Variants in QRFPR observed in about 807,000 individuals in gnomAD.
The protein encoded by QRFPR is pyroglutamylated RF-amide peptide receptor.
In QRFPR, 37 loss-of-function variants were observed where a neutral mutation model predicts 31.3. The observed-to-expected ratio is 1.18, with a 90% CI of 0.91 to 1.56. The LOEUF is 1.56. Ranked by LOEUF, QRFPR falls within the 40% of genes most tolerant of loss-of-function variation. The probability of loss-of-function intolerance (pLI) is 0.00; values close to 1 mark genes in which losing one functional copy is unlikely to be tolerated. For missense variants in QRFPR, 542 were observed against 532.5 expected, an observed-to-expected ratio of 1.02 and a Z score of -0.18; for synonymous variants, 197 against 192.0, an observed-to-expected ratio of 1.03 and a Z score of -0.22.
In QRFPR at chr4:121,330,428, T is replaced by C; in HGVS notation, c.893A>G (p.Tyr298Cys). Reference sequence around the variant, plus strand: ...AAATGAGAATGACAAGCACTCACTGTATTCAATCATCATATGGACAACATG... The same window carrying C: ...AAATGAGAATGACAAGCACTCACTGCATTCAATCATCATATGGACAACATG... ...PFHVVHMMIE[Y>C]SNFEKEYDDV... Residue 298 changes from tyrosine to cysteine, a missense_variant and splice_region_variant, in exon 5 of 6, where the codon TAC becomes TGC. By Grantham distance (194) the Tyr-to-Cys change is radical (BLOSUM62 -2). Coordinates refer to ENST00000394427, the MANE Select transcript of QRFPR (RefSeq NM_198179.3). The C allele has an allele frequency of 6.3e-7, 1 of 1,596,960 alleles. No homozygotes were observed.
intron 1 of QRFPR, among the ~76,000 whole-genome samples, chr4:121,353,403 A>C (rs915250409): frequency 2.6e-5 from 4 of 152,064 alleles, no homozygotes; most frequent in Non-Finnish European, 4.4e-5. Flanking sequence ...TTTGGATGAA[A>C]GCCATCTTAA....
chr4:121,343,824 A>T (rs1402450774), intron 1 of QRFPR, among the ~76,000 whole-genome samples: 2 of 152,216 alleles, frequency 1.3e-5, no homozygotes, highest in Non-Finnish European at 2.9e-5. Context: ...ATCTCATTAT[A>T]GTGTTATCCA....
At chr4:121,337,092 CT>C (rs1725450345) in intron 2 of QRFPR, among the ~76,000 whole-genome samples, 1 of 152,252 alleles carries the variant, frequency 6.6e-6, no homozygotes, top group Admixed American at 6.5e-5. Context: ...TAGTGTTTCA[CT>C]GCCTACAAGA....
chr4:121,367,211 G>A (rs944739546), intron 1 of QRFPR, among the ~76,000 whole-genome samples: 1 of 149,824 alleles, frequency 6.7e-6, no homozygotes, highest in African/African-American at 2.5e-5. Flanking sequence ...CAGTGGGACC[G>A]CTTCCTAGGA....
intron 1 of QRFPR, among the ~76,000 whole-genome samples, chr4:121,377,891 G>C (rs1187328164): frequency 6.6e-6 from 1 of 152,026 alleles, no homozygotes; most frequent in Non-Finnish European, 1.5e-5. Context: ...ACATTCTCTT[G>C]AACTTTGGTT....
intron 1 of QRFPR, among the ~76,000 whole-genome samples, chr4:121,370,842 T>C (rs1726228509): frequency 1.3e-5 from 2 of 152,246 alleles, no homozygotes; most frequent in South Asian, 2.1e-4. Flanking sequence ...ATATGCATTA[T>C]ATGCATTAAT....
At chr4:121,365,841 G>C (rs1726127017) in intron 1 of QRFPR, among the ~76,000 whole-genome samples, 1 of 143,106 alleles carries the variant, frequency 7.0e-6, no homozygotes, top group East Asian at 2.1e-4. Flanking sequence ...CAAGCATGTA[G>C]TTTTATCTGT....
intron 1 of QRFPR, among the ~76,000 whole-genome samples, chr4:121,376,837 CTT>C (rs34124987): frequency 1.4e-4 from 21 of 151,866 alleles, no homozygotes; most frequent in Middle Eastern, 3.4e-3. Flanking sequence ...ACTTAACAAA[CTT>C]TTTTTTTTCC....
chr4:121,342,028 C>T (rs893291499), intron 1 of QRFPR, among the ~76,000 whole-genome samples: 5 of 152,136 alleles, frequency 3.3e-5, no homozygotes, highest in Non-Finnish European at 5.9e-5. Context: ...GATATGCCTG[C>T]GAGGGTGTTT....
chr4:121,344,417 A>G (rs967713336), intron 1 of QRFPR, among the ~76,000 whole-genome samples: 2 of 152,210 alleles, frequency 1.3e-5, no homozygotes, highest in Non-Finnish European at 2.9e-5. Context: ...CTGTCATCTT[A>G]CTGTTTTAAT....
At position 121,340,615 on chromosome 4, in the gene QRFPR, A is replaced by C; in HGVS notation, c.341-5T>G. On this transcript the variant is annotated splice_region_variant and splice_polypyrimidine_tract_variant and intron_variant, in intron 1 of 5. Transcript: ENST00000394427. Reference sequence around the variant, plus strand: ...CCATCTTGCAAATGAAAGCACCTGCAGTAAGGAAATAGGACAAATCATACA... The same window carrying C: ...CCATCTTGCAAATGAAAGCACCTGCCGTAAGGAAATAGGACAAATCATACA... 1 of 1,612,990 alleles carries C rather than the reference A, an allele frequency of 6.2e-7. No homozygotes were observed. The highest frequency in any genetic ancestry group is 8.5e-7 in the Non-Finnish European group (1 of 1,179,168).
chr4:121,347,511 T>TGGAAAATATTTGGAAATA (rs1472597443), intron 1 of QRFPR, among the ~76,000 whole-genome samples: 8 of 152,152 alleles, frequency 5.3e-5, no homozygotes, highest in African/African-American at 1.9e-4. Flanking sequence ...TTCAATAATT[T>TGGAAAATATTTGGAAATA]ATTTGGAAAG....
At chr4:121,369,018 G>GT (rs1488596603) in intron 1 of QRFPR, among the ~76,000 whole-genome samples, 1 of 152,042 alleles carries the variant, frequency 6.6e-6, no homozygotes, top group Non-Finnish European at 1.5e-5. Flanking sequence ...AATTTAACAG[G>GT]TTTTTTACTT....
Position 121,379,329 on chromosome 4 carries a change from A to G in QRFPR, c.340+979T>C, listed in dbSNP as rs184134493. On this transcript the variant is annotated intron_variant, in intron 1 of 5. Transcript: ENST00000394427. The stretch of plus-strand genomic sequence containing the variant: ...AAACACCCTCCATGAGTTTAAGAGA[A>G]TTAGTAATGGGATAGAAATAGCAGA... 1.4e-3 allele frequency among the ~76,000 whole-genome samples: 208 copies of G among 152,330 alleles called. 1 individual carries two copies. Among genetic ancestry groups the G allele is most frequent in the African/African-American group, 4.6e-3 (193 of 41,578 alleles).
chr4:121,340,632 A>T, intron 1 of QRFPR, 22 bp from the exon 2 acceptor site: 1 of 1,603,272 alleles, frequency 6.2e-7, no homozygotes, highest in South Asian at 1.1e-5. Context: ...AAATAGGACA[A>T]ATCATACATC....
Position 121,332,893 on chromosome 4 carries a change from C to T in QRFPR, c.725G>A (p.Trp242Ter). The T allele has an allele frequency of 3.1e-6, 5 of 1,614,082 alleles. No homozygotes were observed. Among genetic ancestry groups the T allele is most frequent in the Non-Finnish European group, 4.2e-6 (5 of 1,179,996 alleles). ...ACCATCCCCAACTCTTTTCTTTATCCAAAGTTCATAACCAATTTTACTGTA... is the reference window on the plus strand; with the variant it reads ...ACCATCCCCAACTCTTTTCTTTATCTAAAGTTCATAACCAATTTTACTGTA... ...ILYSKIGYEL[W>*]IKKRVGDGSV... is the part of the protein sequence containing the mutation. Residue 242 changes from tryptophan (W) to a stop codon, truncating the protein, a stop_gained, in exon 4 of 6, where the codon TGG (tryptophan) becomes TAG (stop). Coordinates refer to ENST00000394427, the MANE Select transcript of QRFPR (RefSeq NM_198179.3). LOFTEE classifies it high-confidence loss of function.
chr4:121,329,237 T>C lies in QRFPR; in HGVS notation c.*77A>G, dbSNP rs886453585. 7.5e-5 allele frequency: 82 copies of C among 1,095,100 alleles called. No homozygotes were observed. The highest frequency in any genetic ancestry group is 9.9e-5 in the Non-Finnish European group (76 of 764,254). The allele number at this position is 1,095,100 out of a possible 1,614,324, so 67.8% of individuals were successfully genotyped here. A position where few individuals can be genotyped will look rare whatever the true frequency, so the allele number is the denominator to read the frequency against. On this transcript the variant is annotated 3_prime_UTR_variant, in exon 6 of 6. Coordinates refer to ENST00000394427, the MANE Select transcript of QRFPR (RefSeq NM_198179.3). ...GTCATCATCTTAAGAATAAAAAGAG[T>C]ATTTGACCTTTGCTCAAAATAATTT...
Position 121,380,676 on chromosome 4 carries a change from C to T in QRFPR, c.-29G>A. 5 of 1,473,126 alleles carry T rather than the reference C, an allele frequency of 3.4e-6. No homozygotes were observed. The highest frequency in any genetic ancestry group is 2.8e-5 in the South Asian group (2 of 71,106). The allele number at this position is 1,473,126 out of a possible 1,614,324, so 91.3% of individuals were successfully genotyped here. ...TGTGCGCTCCCGGGACGCGGGGCCA[C>T]CGCCCGCTACTGGCTGGCCATCCGC... is the stretch of plus-strand genomic sequence containing the variant. On this transcript the variant is annotated 5_prime_UTR_variant, in exon 1 of 6. In the 5' UTR this introduces an upstream ATG that the reference lacks. Transcript: ENST00000394427.
At chr4:121,354,292 C>T (rs892206919) in intron 1 of QRFPR, among the ~76,000 whole-genome samples, 2 of 152,000 alleles carry the variant, frequency 1.3e-5, no homozygotes, top group Non-Finnish European at 2.9e-5. Context: ...TTGTATATTG[C>T]TTTGGGCAGT....
Sources: gnomAD v4.1 joint callset for allele counts (sites outside exome capture counted in the v4.1 genomes callset) on GRCh38, gnomAD v4.1.1 for gene constraint, MANE v1.5 for transcripts, NCBI Gene and HGNC (gene_info 2026-07-23, HGNC 2026-07-21) for gene names.